Variants in EPPK1 observed in about 807,000 individuals in gnomAD.
EPPK1 encodes the protein epiplakin.
For missense variants in EPPK1, 3,823 were observed against 3,673.3 expected, an observed-to-expected ratio of 1.04 and a Z score of -1.05; for synonymous variants, 1,862 against 1,721.2, an observed-to-expected ratio of 1.08 and a Z score of -2.03.
Position 143,868,853 on chromosome 8 carries a change from C to G in EPPK1, c.4401G>C (p.Val1467=). 6.2e-7 allele frequency: 1 copy of G among 1,608,954 alleles called. No homozygotes were observed. The highest frequency in any genetic ancestry group is 8.5e-7 in the Non-Finnish European group (1 of 1,179,756). ...VSTGRFKGCS[V]SLWDLLLSEY... ...CGGAGAGCAGCAGGTCCCAGAGTGA[C>G]ACGCTACACCCCTTAAACCTCCCTG... is the stretch of plus-strand genomic sequence containing the variant. The change falls in exon 2 of 2, where the codon GTG becomes GTC. Residue 1467 remains valine, a synonymous_variant. Transcript: ENST00000615648.
At chr8:143,877,587 C>T (rs1052275838) in intron 1 of EPPK1, among the ~76,000 whole-genome samples, 5 of 152,206 alleles carry the variant, frequency 3.3e-5, no homozygotes, top group Middle Eastern at 3.4e-3. Context: ...CCAGACTGCC[C>T]GGCAGGCCCC....
chr8:143,867,374 C>T lies in EPPK1; in HGVS notation c.5880G>A (p.Val1960=), dbSNP rs782404309. Residue 1960 remains valine, a synonymous_variant, in exon 2 of 2, where the codon GTG becomes GTA. Transcript: ENST00000615648. ...GGAGCCTCTCCCGCAGCTCCTCGTT[C>T]ACCAGGCCCACATCCACAGCCTCAT... is the stretch of plus-strand genomic sequence containing the variant. The part of the protein sequence containing the change: ...SVDEAVDVGL[V]NEELRERLLK... 9.8e-5 allele frequency: 158 copies of T among 1,612,936 alleles called. No homozygotes were observed. The highest frequency in any genetic ancestry group is 1.3e-4 in the Non-Finnish European group (151 of 1,179,878).
At position 143,869,451 on chromosome 8, in the gene EPPK1, T is replaced by C. The variant is rs1554660349; in HGVS notation, c.3803A>G (p.Asp1268Gly). The C allele has an allele frequency of 6.4e-7, 1 of 1,574,442 alleles. No individual in the cohort carries two copies. Among genetic ancestry groups the C allele is most frequent in the Admixed American group, 1.8e-5 (1 of 55,518 alleles). Residue 1268 changes from aspartate to glycine, a missense_variant, in exon 2 of 2, where the codon GAT (aspartate) becomes GGT (glycine). Transcript: ENST00000615648. The part of the protein sequence containing the change: ...AKASIAQAVR[D>G]GLLPTGLGQR... ...GCCCAGGCCTGTGGGCAGGAGGCCA[T>C]CCCTCACGGCCTGGGCGATGCTGGC...
Position 143,867,379 on chromosome 8 carries a change from G to A in EPPK1, c.5875C>T (p.Leu1959=), listed in dbSNP as rs1299168217. 3 of 1,612,946 alleles carry A rather than the reference G, an allele frequency of 1.9e-6. No individual in the cohort carries two copies. The highest frequency in any genetic ancestry group is 8.5e-7 in the Non-Finnish European group (1 of 1,179,882). Residue 1959 remains leucine, a synonymous_variant, in exon 2 of 2, where the codon CTG becomes TTG. Transcript: ENST00000615648. ...CTCTCCCGCAGCTCCTCGTTCACCAGGCCCACATCCACAGCCTCATCCACA... is the reference window on the plus strand; with the variant it reads ...CTCTCCCGCAGCTCCTCGTTCACCAAGCCCACATCCACAGCCTCATCCACA... The part of the protein sequence containing the change: ...LSVDEAVDVG[L]VNEELRERLL...
intron 1 of EPPK1, among the ~76,000 whole-genome samples, chr8:143,878,122 C>A (rs1819516528): frequency 2.6e-5 from 4 of 152,214 alleles, no homozygotes; most frequent in Middle Eastern, 6.8e-3. Context: ...GAGACCCCCG[C>A]CCCTGGCCGC....
In EPPK1 at chr8:143,869,056, T is replaced by C. The variant is rs1819242635; in HGVS notation, c.4198A>G (p.Asn1400Asp). 1.9e-6 allele frequency: 3 copies of C among 1,609,052 alleles called. No homozygotes were observed. Among genetic ancestry groups the C allele is most frequent in the East Asian group, 2.2e-5 (1 of 44,872 alleles). Residue 1400 changes from asparagine (N) to aspartate (D), a missense_variant, in exon 2 of 2, where the codon AAC (asparagine) becomes GAC (aspartate). Transcript: ENST00000615648. ...GCACTGGGGTCAAAGAAGAACTTGT[T>C]GTCCTTGTCAACTGCAGTCAGCACC... ...SQVLTAVDKD[N>D]KFFFDPSARD...
In EPPK1 at chr8:143,873,209, G is replaced by A. The variant is rs1554661901; in HGVS notation, c.45C>T (p.Asn15=). ...TLPPLPVPGT[N]STEQASVPRA... is the part of the protein sequence containing the mutation. ...TGGGTACACTGGCCTGCTCTGTGCT[G>A]TTGGTGCCTGGGACGGGAAGAGGAG... Residue 15 remains asparagine (N), a synonymous_variant, in exon 2 of 2, where the codon AAC becomes AAT. Coordinates refer to ENST00000615648, the MANE Select transcript of EPPK1 (RefSeq NM_031308.4). 1.9e-6 allele frequency: 3 copies of A among 1,583,308 alleles called. No homozygotes were observed. The highest frequency in any genetic ancestry group is 1.9e-5 in the Admixed American group (1 of 52,480).
At position 143,873,049 on chromosome 8, in the gene EPPK1, C is replaced by T. The variant is rs375644318; in HGVS notation, c.205G>A (p.Gly69Arg). 143 of 1,564,032 alleles carry T rather than the reference C, an allele frequency of 9.1e-5. No individual in the cohort carries two copies. Among genetic ancestry groups the T allele is most frequent in the Non-Finnish European group, 1.1e-4 (123 of 1,154,526 alleles). The change falls in exon 2 of 2, where the codon GGG becomes AGG. Residue 69 changes from glycine (G) to arginine (R), a missense_variant. Transcript: ENST00000615648. ...GCCTCTAGCAGAGCCTGCCCGAGCCCAGCAGGCAGGAGGCCCTGCTCCATG... is the reference window on the plus strand; with the variant it reads ...GCCTCTAGCAGAGCCTGCCCGAGCCTAGCAGGCAGGAGGCCCTGCTCCATG... ...AAMEQGLLPA[G>R]LGQALLEAQA...
At position 143,858,016 on chromosome 8, in the gene EPPK1, G is replaced by C. The variant is rs1411508473; in HGVS notation, c.15238C>G (p.Leu5080Val). Residue 5080 changes from leucine (L) to valine (V), a missense_variant, in exon 2 of 2, where the codon CTC (leucine) becomes GTC (valine). Coordinates refer to ENST00000615648, the MANE Select transcript of EPPK1 (RefSeq NM_031308.4). ...TGTAGAGAGAGAGAAAGAAATAGGA[G>C]CCCCGTCTCAGGGTCCAGGGTGGCC... is the stretch of plus-strand genomic sequence containing the variant. ...QRATLDPETG[L>V]LFLSLSLQ 6 of 1,609,746 alleles carry C rather than the reference G, an allele frequency of 3.7e-6. No individual in the cohort carries two copies. In the African/African-American group the frequency reaches 6.7e-5, roughly 18 times the overall value.
chr8:143,870,453 CCG>C lies in EPPK1; in HGVS notation c.2799_2800del (p.Gly934CysfsTer52). On this transcript the variant is annotated frameshift_variant, in exon 2 of 2. Coordinates refer to ENST00000615648, the MANE Select transcript of EPPK1 (RefSeq NM_031308.4). LOFTEE classifies it low-confidence loss of function (END_TRUNC). The surrounding 1 kb of genome is among the most constrained non-coding windows in gnomAD (Gnocchi z 5.2). ...CTGGCCAGAGGGCAGCAGCCGCACA[CCG>C]CCCACAGCTCCCAGGCCGCACAGGT... 3.1e-6 allele frequency: 5 copies of C among 1,600,882 alleles called. No individual in the cohort carries two copies. The highest frequency in any genetic ancestry group is 4.2e-6 in the Non-Finnish European group (5 of 1,177,306).
In EPPK1 at chr8:143,869,029, G is replaced by A. The variant is rs560164765; in HGVS notation, c.4225C>T (p.Arg1409Trp). 1.8e-5 allele frequency: 29 copies of A among 1,609,988 alleles called. No homozygotes were observed. The highest frequency in any genetic ancestry group is 1.2e-4 in the South Asian group (11 of 91,070). ...DNKFFFDPSARDQVTYQQLRE... is the reference protein window; with the variant it reads ...DNKFFFDPSAWDQVTYQQLRE... ...AGCTGCTGGTAGGTCACCTGGTCCC[G>A]CGCACTGGGGTCAAAGAAGAACTTG... The change falls in exon 2 of 2, where the codon CGG becomes TGG. Residue 1409 changes from arginine to tryptophan, a missense_variant. Coordinates refer to ENST00000615648, the MANE Select transcript of EPPK1 (RefSeq NM_031308.4).
chr8:143,872,902 C>A lies in EPPK1; in HGVS notation c.352G>T (p.Ala118Ser). The change falls in exon 2 of 2, where the codon GCC becomes TCC. Residue 118 changes from alanine to serine, a missense_variant. Physicochemically the swap from Ala to Ser is moderately conservative, Grantham distance 99 (BLOSUM62 1). Coordinates refer to ENST00000615648, the MANE Select transcript of EPPK1 (RefSeq NM_031308.4). ...LKEKLLAAER[A>S]TTGYPDPYGG... ...TAGGGGTCAGGATAGCCCGTAGTGGCACGCTCAGCGGCCAGCAGCTTCTCC... is the reference window on the plus strand; with the variant it reads ...TAGGGGTCAGGATAGCCCGTAGTGGAACGCTCAGCGGCCAGCAGCTTCTCC... 1 of 1,605,942 alleles carries A rather than the reference C, an allele frequency of 6.2e-7. No individual in the cohort carries two copies. Among genetic ancestry groups the A allele is most frequent in the Non-Finnish European group, 8.5e-7 (1 of 1,176,212 alleles).
Position 143,869,303 on chromosome 8 carries a change from G to C in EPPK1, c.3951C>G (p.Leu1317=), listed in dbSNP as rs369368390. The part of the protein sequence containing the change: ...GLVGRELSEQ[L]GQAERAAAGY... ...CGGCCGCCGCCCTCTCGGCCTGCCC[G>C]AGCTGCTCACTCAGCTCCCTGCCCA... The change falls in exon 2 of 2, where the codon CTC becomes CTG. Residue 1317 remains leucine (L), a synonymous_variant. Transcript: ENST00000615648. The C allele has an allele frequency of 6.2e-7, 1 of 1,604,890 alleles. No individual in the cohort carries two copies. Among genetic ancestry groups the C allele is most frequent in the African/African-American group, 1.3e-5 (1 of 74,790 alleles).
rs1018296034 is a variant in EPPK1, at chr8:143,872,347, G to A, written c.907C>T (p.Gln303Ter). The change falls in exon 2 of 2, where the codon CAG (glutamine) becomes TAG (stop). Residue 303 changes from glutamine to a stop codon, truncating the protein, a stop_gained. Transcript: ENST00000615648. LOFTEE classifies it low-confidence loss of function (END_TRUNC). ...LPEGHKKSFF[Q>*]AATEHLLPMG... is the part of the protein sequence containing the mutation. ...GGGAGCAGGTGCTCGGTGGCAGCCT[G>A]GAAAAAGCTCTTCTTGTGGCCTTCG... 2.5e-6 allele frequency: 4 copies of A among 1,605,688 alleles called. No individual in the cohort carries two copies. Among genetic ancestry groups the A allele is most frequent in the African/African-American group, 1.3e-5 (1 of 74,844 alleles).
chr8:143,878,395 C>CCCGCACCTGCCCGCACCCGCCGCACCCG (rs1819526669), intron 1 of EPPK1, 43 bp downstream of exon 1: 1 of 82,876 alleles, frequency 1.2e-5, no homozygotes, highest in Non-Finnish European at 2.3e-5. Context: ...GCCGCACCTG[C>CCCGCACCTGCCCGCACCCGCCGCACCCG]CCGCACCCGC....
At position 143,870,123 on chromosome 8, in the gene EPPK1, A is replaced by G; in HGVS notation, c.3131T>C (p.Val1044Ala). The change falls in exon 2 of 2, where the codon GTG (valine) becomes GCG (alanine). Residue 1044 changes from valine (V) to alanine (A), a missense_variant. Val to Ala is a moderately conservative substitution (Grantham distance 64). Coordinates refer to ENST00000615648, the MANE Select transcript of EPPK1 (RefSeq NM_031308.4). The surrounding 1 kb of genome is among the most constrained non-coding windows in gnomAD (Gnocchi z 5.2). ...GGGGTCAATGATCCCTCCTGTGGCC[A>G]CTTGAGCCTCCAGGAGGCGGGCAGC... The part of the protein sequence containing the change: ...EQAARLLEAQ[V>A]ATGGIIDPTS... 1 of 1,611,352 alleles carries G rather than the reference A, an allele frequency of 6.2e-7. No individual in the cohort carries two copies. The highest frequency in any genetic ancestry group is 8.5e-7 in the Non-Finnish European group (1 of 1,179,280).
In EPPK1 at chr8:143,866,627, C is replaced by G. The variant is rs782479222; in HGVS notation, c.6627G>C (p.Glu2209Asp). 22 of 1,613,000 alleles carry G rather than the reference C, an allele frequency of 1.4e-5. No individual in the cohort carries two copies. Among genetic ancestry groups the G allele is most frequent in the South Asian group, 1.1e-4 (10 of 91,088 alleles). ...GCTTGACGCGGTCGTCCTCCATGAG[C>G]TCTTGCGTCGTGCTCCGTCCCGTTT... The part of the protein sequence containing the change: ...DLETGRSTTQ[E>D]LMEDDRVKRY... Residue 2209 changes from glutamate to aspartate, a missense_variant, in exon 2 of 2, where the codon GAG becomes GAC. Glu to Asp is a conservative substitution (Grantham distance 45, BLOSUM62 2). Coordinates refer to ENST00000615648, the MANE Select transcript of EPPK1 (RefSeq NM_031308.4).
rs1409621921 is a variant in EPPK1, at chr8:143,876,030, C to T, written c.-46+2408G>A. 2.6e-5 allele frequency among the ~76,000 whole-genome samples: 4 copies of T among 152,152 alleles called. No individual in the cohort carries two copies. The East Asian group carries it at 7.7e-4, about 29-fold the overall frequency. ...GGCGGGTGGGCTTAGATGTCCTGGT[C>T]CCTGGAGTAGGAACACTTCTGCCAG... On this transcript the variant is annotated intron_variant, in intron 1 of 1. Coordinates refer to ENST00000615648, the MANE Select transcript of EPPK1 (RefSeq NM_031308.4).
rs1554661597 is a variant in EPPK1, at chr8:143,872,498, G to C, written c.756C>G (p.Ile252Met). The C allele has an allele frequency of 6.3e-7, 1 of 1,595,736 alleles. No homozygotes were observed. Among genetic ancestry groups the C allele is most frequent in the South Asian group, 1.1e-5 (1 of 89,782 alleles). The change falls in exon 2 of 2, where the codon ATC becomes ATG. Residue 252 changes from isoleucine to methionine, a missense_variant. Ile to Met is a conservative substitution (Grantham distance 10). Coordinates refer to ENST00000615648, the MANE Select transcript of EPPK1 (RefSeq NM_031308.4). ...VSAAELLEVG[I>M]LDEQAVQGLR... Reference sequence around the variant, plus strand: ...GACCCTGCACAGCCTGCTCGTCCAGGATGCCCACCTCCAGCAGCTCAGCTG... The same window carrying C: ...GACCCTGCACAGCCTGCTCGTCCAGCATGCCCACCTCCAGCAGCTCAGCTG...
Sources: allele counts gnomAD v4.1 joint callset (sites outside exome capture counted in the v4.1 genomes callset), GRCh38; gene constraint gnomAD v4.1.1; non-coding constraint Gnocchi (gnomAD v3.1); transcripts MANE v1.5; gene names NCBI Gene and HGNC (gene_info 2026-07-23, HGNC 2026-07-21).